The following REXO4 variants were observed in gnomAD, a reference collection of about 807,000 sequenced individuals.
REXO4 encodes the protein RNA exonuclease 4.
A neutral mutation model predicts 39.9 loss-of-function variants in REXO4; 29 were observed. That is an observed-to-expected ratio of 0.73 (90% CI 0.54 to 0.99). The LOEUF is 0.99. Ranked by LOEUF, REXO4 falls within the 50% of genes least tolerant of loss-of-function variation. The pLI, the probability that REXO4 is intolerant of heterozygous loss-of-function variation, is 0.00. For missense variants in REXO4, 524 were observed against 546.5 expected (o/e 0.96, Z 0.41); for synonymous variants, 184 against 206.2 (o/e 0.89, Z 0.92).
rs1554779198 is a variant in REXO4 at position 133,407,693 on chromosome 9, G to A, written c.1149+114C>T. ...TTTTTTTTGACCAATAGCCTCGTAG[G>A]ATAAGTAGGTGCCCAAGCCCCACCT... On this transcript the variant is annotated intron_variant, in intron 7 of 7. Coordinates refer to ENST00000371942, the MANE Select transcript of REXO4 (RefSeq NM_020385.4). 4 of 705,774 alleles carry A rather than the reference G, an allele frequency of 5.7e-6. No homozygotes were observed. The African/African-American group carries it at 7.3e-5, about 13-fold the overall frequency. 43.7% of individuals were successfully genotyped at this position (705,774 alleles called of 1,614,324 possible).
chr9:133,416,300 G>A (rs1186114324), intron 1 of REXO4, among the ~76,000 whole-genome samples: 1 of 152,046 alleles, frequency 6.6e-6, no homozygotes, highest in East Asian at 1.9e-4. Flanking sequence ...CATTCATGAG[G>A]GATCTACCCC....
At chr9:133,414,319 C>A in intron 2 of REXO4, 1 of 496,156 alleles carries the variant, frequency 2.0e-6, no homozygotes, top group African/African-American at 1.9e-5. Flanking sequence ...ATGACTACCA[C>A]AAGGCACAGA....
chr9:133,407,208 TC>T (rs1838931865), intron 7 of REXO4, 136 bp from the exon 8 acceptor site: 1 of 1,366,724 alleles, frequency 7.3e-7, no homozygotes, highest in Non-Finnish European at 1.0e-6. Flanking sequence ...CCACGAGATG[TC>T]ACCAGGACGG....
In REXO4 at chr9:133,406,734, C is replaced by G. The variant is rs1838896542; in HGVS notation, c.*219G>C. ...CCCATGGCCGTCCCTGCTCCCCACC[C>G]TGACCATCCGGGCCCAAACACACAT... On this transcript the variant is annotated 3_prime_UTR_variant, in exon 8 of 8. Transcript: ENST00000371942. 35 of 667,674 alleles carry G rather than the reference C, an allele frequency of 5.2e-5. No individual in the cohort carries two copies. The South Asian group carries it at 6.3e-4, about 12-fold the overall frequency. 41.4% of individuals were successfully genotyped at this position (667,674 alleles called of 1,614,324 possible). A position where few individuals can be genotyped will look rare whatever the true frequency, so the allele number is the denominator to read the frequency against.
chr9:133,411,324 A>T (rs587773908), intron 4 of REXO4, among the ~76,000 whole-genome samples: 1 of 152,350 alleles, frequency 6.6e-6, no homozygotes, highest in South Asian at 2.1e-4. Context: ...CACAGTCTGC[A>T]AAGTCGGCTC....
At chr9:133,411,933 AAAT>A (rs965452520) in intron 4 of REXO4, among the ~76,000 whole-genome samples, 28 of 152,208 alleles carry the variant, frequency 1.8e-4, no homozygotes, top group Admixed American at 7.8e-4. Flanking sequence ...TCTCAAAAAA[AAAT>A]AATAATTTTT....
intron 2 of REXO4, 161 bp downstream of exon 2, chr9:133,414,504 A>C (rs1554781024): frequency 1.3e-6 from 1 of 746,188 alleles, no homozygotes; most frequent in Non-Finnish European, 2.4e-6. Flanking sequence ...TCATGCGCAC[A>C]CTCTAGGGGA....
intron 1 of REXO4, among the ~76,000 whole-genome samples, chr9:133,417,201 G>C (rs1839684587): frequency 6.6e-6 from 1 of 152,310 alleles, no homozygotes; most frequent in Middle Eastern, 3.4e-3. Flanking sequence ...TTTTTTAGTA[G>C]ACACGGGGTT....
intron 2 of REXO4, chr9:133,414,364 G>A: frequency 1.7e-6 from 1 of 594,846 alleles, no homozygotes; most frequent in South Asian, 1.5e-5. Flanking sequence ...CACCCAACTG[G>A]CGAGAAGCAG....
chr9:133,417,495 T>G, intron 1 of REXO4, 125 bp downstream of exon 1: 1 of 976,890 alleles, frequency 1.0e-6, no homozygotes, highest in South Asian at 1.5e-5. Flanking sequence ...TGTGAAAAGC[T>G]GTTTACAAGA....
chr9:133,417,530 GGTCTTTTGGGGCTACCCAA>G, intron 1 of REXO4, 71 bp downstream of exon 1: 2 of 1,350,662 alleles, frequency 1.5e-6, no homozygotes, highest in South Asian at 2.4e-5. Context: ...TGCCTTTACA[GGTCTTTTGGGGCTACCCAA>G]GTCTTTCCCT....
intron 5 of REXO4, among the ~76,000 whole-genome samples, chr9:133,409,835 T>C (rs1812586874): frequency 6.6e-6 from 1 of 152,194 alleles, no homozygotes; most frequent in African/African-American, 2.4e-5. Context: ...AAAGCTGCGA[T>C]TACAGGCATA....
chr9:133,416,727 C>CTGGT (rs1839636138), intron 1 of REXO4, among the ~76,000 whole-genome samples: 1 of 152,252 alleles, frequency 6.6e-6, no homozygotes, highest in African/African-American at 2.4e-5. Flanking sequence ...AGTCAGCCAC[C>CTGGT]TGGTTCCCAG....
At chr9:133,407,616 A>G (rs1554779180) in intron 7 of REXO4, among the ~76,000 whole-genome samples, 191 bp downstream of exon 7, 1 of 151,984 alleles carries the variant, frequency 6.6e-6, no homozygotes, top group African/African-American at 2.4e-5. Flanking sequence ...AATTCGTTAA[A>G]TGTGCATATT....
At chr9:133,415,039 C>T (rs186132720) in intron 1 of REXO4, 28 bp from the exon 2 acceptor site, 4 of 1,549,968 alleles carry the variant, frequency 2.6e-6, no homozygotes, top group Admixed American at 4.3e-5. Context: ...ATACATGCTG[C>T]ATTTGAATTT....
At chr9:133,417,504 G>C in intron 1 of REXO4, 116 bp downstream of exon 1, 1 of 1,089,512 alleles carries the variant, frequency 9.2e-7, no homozygotes. Context: ...CTGTTTACAA[G>C]ATTTCGATTC....
At chr9:133,407,125 G>C (rs782582255) in intron 7 of REXO4, 53 bp from the exon 8 acceptor site, 64 of 1,606,018 alleles carry the variant, frequency 4.0e-5, no homozygotes, top group Non-Finnish European at 5.3e-5. Context: ...GCAGCCCACA[G>C]TCAACCCCAC....
chr9:133,412,153 A>G, intron 4 of REXO4, 146 bp downstream of exon 4: 3 of 830,496 alleles, frequency 3.6e-6, no homozygotes, highest in Non-Finnish European at 5.8e-6. Context: ...TGCCTTTTGT[A>G]TTTTAAAACC....
Position 133,417,908 on chromosome 9 carries a change from C to T in REXO4, c.-64G>A. 2 of 1,497,700 alleles carry T rather than the reference C, an allele frequency of 1.3e-6. No individual in the cohort carries two copies. Among genetic ancestry groups the T allele is most frequent in the Non-Finnish European group, 9.0e-7 (1 of 1,116,394 alleles). 92.8% of individuals were successfully genotyped at this position (1,497,700 alleles called of 1,614,324 possible). A position where few individuals can be genotyped will look rare whatever the true frequency, so the allele number is the denominator to read the frequency against. On this transcript the variant is annotated 5_prime_UTR_variant, in exon 1 of 8. Coordinates refer to ENST00000371942, the MANE Select transcript of REXO4 (RefSeq NM_020385.4). Reference sequence around the variant, plus strand: ...GACCCCGGCCTCCCCGGGCCCGGCGCCCTGGCAGCACAAGCGCCTGCCCAG... The same window carrying T: ...GACCCCGGCCTCCCCGGGCCCGGCGTCCTGGCAGCACAAGCGCCTGCCCAG...
Sources: gnomAD v4.1 joint callset for allele counts (sites outside exome capture counted in the v4.1 genomes callset) on GRCh38, gnomAD v4.1.1 for gene constraint, MANE v1.5 for transcripts, NCBI Gene and HGNC (gene_info 2026-07-23, HGNC 2026-07-21) for gene names.